The following GOLGA3 variants were observed in gnomAD, a reference collection of about 807,000 sequenced individuals.
GOLGA3 encodes the protein golgin A3.
In GOLGA3, 75 loss-of-function variants were observed where a neutral mutation model predicts 169.4. The observed-to-expected ratio is 0.44, with a 90% CI of 0.37 to 0.54. GOLGA3 has a LOEUF of 0.54. Ranked by LOEUF, GOLGA3 falls within the 20% of genes least tolerant of loss-of-function variation. The pLI, the probability that GOLGA3 is intolerant of heterozygous loss-of-function variation, is 0.00. For synonymous variants in GOLGA3, 824 were observed against 822.4 expected (o/e 1.00, Z -0.03); for missense variants, 1,899 against 1,930.0 (o/e 0.98, Z 0.30).
At chr12:132,821,067 T>C (rs1193576919) in intron 2 of GOLGA3, among the ~76,000 whole-genome samples, 2 of 118,694 alleles carry the variant, frequency 1.7e-5, no homozygotes, top group African/African-American at 6.8e-5. Flanking sequence ...GCCACTGCAC[T>C]CCAGCCTGGG....
Position 132,775,160 on chromosome 12 carries a change from C to G in GOLGA3, c.4124G>C (p.Arg1375Pro). The change falls in exon 22 of 24, where the codon CGC becomes CCC. Residue 1375 changes from arginine to proline, a missense_variant. Coordinates refer to ENST00000450791, the MANE Select transcript of GOLGA3 (RefSeq NM_001389683.1). ...QQNQQLKLDLRRGAAKTRKEP... is the reference protein window; with the variant it reads ...QQNQQLKLDLPRGAAKTRKEP... Reference sequence around the variant, plus strand: ...GAGTACCGTCTTGGCCGCGCCGCGGCGTAGGTCCAGCTTGAGCTGCTGGTT... The same window carrying G: ...GAGTACCGTCTTGGCCGCGCCGCGGGGTAGGTCCAGCTTGAGCTGCTGGTT... 1 of 1,613,794 alleles carries G rather than the reference C, an allele frequency of 6.2e-7. No homozygotes were observed. Among genetic ancestry groups the G allele is most frequent in the East Asian group, 2.2e-5 (1 of 44,892 alleles).
At chr12:132,814,716 C>T (rs917283892) in intron 3 of GOLGA3, among the ~76,000 whole-genome samples, 1 of 152,174 alleles carries the variant, frequency 6.6e-6, no homozygotes, top group Admixed American at 6.5e-5. Flanking sequence ...GGGCTGGGGG[C>T]GGGTTACCTC....
In GOLGA3 at chr12:132,786,371, C is replaced by T. The variant is rs1281253823; in HGVS notation, c.3091G>A (p.Gly1031Ser). 1 of 1,608,436 alleles carries T rather than the reference C, an allele frequency of 6.2e-7. No individual in the cohort carries two copies. The highest frequency in any genetic ancestry group is 8.5e-7 in the Non-Finnish European group (1 of 1,176,826). ...GCCAGGCTGCTGTCACTGCTGCCACCCTGGGCTCGGAGCTGGCCCAGCTCC... is the reference window on the plus strand; with the variant it reads ...GCCAGGCTGCTGTCACTGCTGCCACTCTGGGCTCGGAGCTGGCCCAGCTCC... ...DAELGQLRAQ[G>S]GSSDSSLALH... Residue 1031 changes from glycine to serine, a missense_variant, in exon 15 of 24, where the codon GGT becomes AGT. Transcript: ENST00000450791.
intron 1 of GOLGA3, 105 bp downstream of exon 1, chr12:132,828,698 A>AAGCCCCGCCGCCCCACGCCC (rs1205692446): frequency 3.2e-4 from 2 of 6,190 alleles, no homozygotes; most frequent in Non-Finnish European, 6.8e-4. Flanking sequence ...GGACGCGCCC[A>AAGCCCCGCCGCCCCACGCCC]GGCCCCGCCG....
chr12:132,780,685 C>T (rs2045550339), intron 18 of GOLGA3, 113 bp downstream of exon 18: 4 of 732,256 alleles, frequency 5.5e-6, no homozygotes, highest in East Asian at 4.9e-5. Flanking sequence ...CTGCAACACA[C>T]CTTTGCTCTG....
intron 2 of GOLGA3, among the ~76,000 whole-genome samples, chr12:132,820,333 T>C (rs551405100): frequency 9.3e-4 from 142 of 152,294 alleles, no homozygotes; most frequent in Non-Finnish European, 1.7e-3. Context: ...AGCAACACCC[T>C]GACTCTAAAA....
intron 1 of GOLGA3, chr12:132,826,241 A>C (rs1950410758): frequency 8.4e-5 from 25 of 296,468 alleles, no homozygotes; most frequent in South Asian, 4.4e-4. Flanking sequence ...CTCATTCTCC[A>C]AAAAAAAAAA....
Position 132,796,014 on chromosome 12 carries a change from G to A in GOLGA3, c.2307C>T (p.Cys769=), listed in dbSNP as rs1305457726. ...AGATGATCTTCTCGTTCTGCAGGAGGCAGATCGTGTCCTCCCTGGAGGCGG... is the reference window on the plus strand; with the variant it reads ...AGATGATCTTCTCGTTCTGCAGGAGACAGATCGTGTCCTCCCTGGAGGCGG... ...GEAASREDTI[C]LLQNEKIILE... Residue 769 remains cysteine (C), a synonymous_variant, in exon 11 of 24, where the codon TGC becomes TGT. Transcript: ENST00000450791. The A allele has an allele frequency of 6.2e-7, 1 of 1,612,988 alleles. No individual in the cohort carries two copies. Among genetic ancestry groups the A allele is most frequent in the Non-Finnish European group, 8.5e-7 (1 of 1,180,034 alleles).
At position 132,804,935 on chromosome 12, in the gene GOLGA3, GGCT is replaced by G. The variant is rs1949315104; in HGVS notation, c.1375_1377del (p.Ser459del). The G allele has an allele frequency of 6.2e-7, 1 of 1,613,444 alleles. No individual in the cohort carries two copies. Among genetic ancestry groups the G allele is most frequent in the Admixed American group, 1.7e-5 (1 of 60,004 alleles). On this transcript the variant is annotated inframe_deletion, in exon 7 of 24. Transcript: ENST00000450791. This position sits in a 1 kb window ranked among gnomAD's most constrained non-coding sequence, Gnocchi z 4.1. Reference sequence around the variant, plus strand: ...GAGCTCAGCGAATCCTGCCGCTGCTGGCTGCTGTGGCTGCACTCCACCTGCGCC... The same window carrying G: ...GAGCTCAGCGAATCCTGCCGCTGCTGGCTGTGGCTGCACTCCACCTGCGCC...
intron 13 of GOLGA3, among the ~76,000 whole-genome samples, chr12:132,787,721 G>A (rs1282676458): frequency 4.8e-5 from 2 of 41,726 alleles, no homozygotes; most frequent in African/African-American, 2.2e-4. Flanking sequence ...ACCCCTCCCC[G>A]GAGACCCCGG....
In GOLGA3 at chr12:132,772,480, C is replaced by T. The variant is rs1490880590; in HGVS notation, c.*625G>A. ...AATCGCATGAACCTGGGAGGCGGAG[C>T]TTGCAGTGAGCGGAGAGTGTGCCAC... On this transcript the variant is annotated 3_prime_UTR_variant, in exon 24 of 24. Transcript: ENST00000450791. 5.9e-5 allele frequency: 8 copies of T among 135,272 alleles called. No homozygotes were observed. Among genetic ancestry groups the T allele is most frequent in the African/African-American group, 2.2e-4 (8 of 36,088 alleles). The allele number at this position is 135,272 out of a possible 1,614,324, so 8.4% of individuals were successfully genotyped here.
chr12:132,819,812 GA>G (rs1950136554), intron 2 of GOLGA3, among the ~76,000 whole-genome samples: 1 of 152,232 alleles, frequency 6.6e-6, no homozygotes. Context: ...GGCCGAGGTG[GA>G]AGGATAACTC....
intron 3 of GOLGA3, among the ~76,000 whole-genome samples, chr12:132,814,550 T>C (rs1165996558): frequency 4.6e-5 from 7 of 152,210 alleles, no homozygotes; most frequent in Non-Finnish European, 8.8e-5. Context: ...TGCATTTCTT[T>C]GCTCAGTTAC....
In GOLGA3 at chr12:132,804,734, G is replaced by T. The variant is rs751100843; in HGVS notation, c.1579C>A (p.Leu527Ile). 1 of 1,613,428 alleles carries T rather than the reference G, an allele frequency of 6.2e-7. No homozygotes were observed. Among genetic ancestry groups the T allele is most frequent in the East Asian group, 2.2e-5 (1 of 44,882 alleles). Residue 527 changes from leucine (L) to isoleucine (I), a missense_variant, in exon 7 of 24, where the codon CTC (leucine) becomes ATC (isoleucine). By Grantham distance (5) the Leu-to-Ile change is conservative. Coordinates refer to ENST00000450791, the MANE Select transcript of GOLGA3 (RefSeq NM_001389683.1). The surrounding 1 kb of genome is among the most constrained non-coding windows in gnomAD (Gnocchi z 4.1). ...GCCTCACCTGTGTTGTCCTTGCTGA[G>T]CATGCTCCTCTGCATGTCCTCTACC... ...AKVEDMQRSMLSKDNTVHDLR... is the reference protein window; with the variant it reads ...AKVEDMQRSMISKDNTVHDLR...
At position 132,804,415 on chromosome 12, in the gene GOLGA3, T is replaced by C. The variant is rs1204686980; in HGVS notation, c.1597+301A>G. 6.6e-6 allele frequency among the ~76,000 whole-genome samples: 1 copy of C among 152,200 alleles called. No individual in the cohort carries two copies. Among genetic ancestry groups the C allele is most frequent in the Non-Finnish European group, 1.5e-5 (1 of 68,036 alleles). On this transcript the variant is annotated intron_variant, in intron 7 of 23. Coordinates refer to ENST00000450791, the MANE Select transcript of GOLGA3 (RefSeq NM_001389683.1). This position sits in a 1 kb window ranked among gnomAD's most constrained non-coding sequence, Gnocchi z 4.1. ...GTTCAACTAAAACTTGTATTTCCTT[T>C]AGAAAAGCAGCCTCCTTATGTGTAA...
rs181642584 is a variant in GOLGA3, at chr12:132,784,285, G to A, written c.3146C>T (p.Ala1049Val). The A allele has an allele frequency of 8.7e-6, 14 of 1,608,858 alleles. No homozygotes were observed. The South Asian group carries it at 8.8e-5, about 10-fold the overall frequency. Reference protein sequence around the residue: ...ALHERIQALEAELQAVSHSKT... With the variant: ...ALHERIQALEVELQAVSHSKT... ...GCTATGACTGACAGCCTGCAGCTCC[G>A]CCTCCAGGGCCTGGATCCTTTCCTA... The change falls in exon 16 of 24, where the codon GCG (alanine) becomes GTG (valine). Residue 1049 changes from alanine (A) to valine (V), a missense_variant. Ala to Val is a moderately conservative substitution (Grantham distance 64). Transcript: ENST00000450791.
chr12:132,826,607 C>T (rs566759068), intron 1 of GOLGA3, among the ~76,000 whole-genome samples: 3 of 152,282 alleles, frequency 2.0e-5, no homozygotes, highest in Admixed American at 2.0e-4. Context: ...GACCCCATGA[C>T]GGTGACTGTA....
intron 6 of GOLGA3, 62 bp downstream of exon 6, chr12:132,807,115 G>A: frequency 1.0e-6 from 1 of 968,102 alleles, no homozygotes; most frequent in Non-Finnish European, 1.6e-6. Context: ...GTACCCAACA[G>A]AGGAGCCACA....
chr12:132,795,185 C>A (rs1421798103), intron 11 of GOLGA3, among the ~76,000 whole-genome samples: 135 of 127,678 alleles, frequency 1.1e-3, no homozygotes, highest in Admixed American at 1.5e-3. Flanking sequence ...GACTCCATCT[C>A]AAAAAAAAAA....
Sources: allele counts gnomAD v4.1 joint callset (sites outside exome capture counted in the v4.1 genomes callset), GRCh38; gene constraint gnomAD v4.1.1; non-coding constraint Gnocchi (gnomAD v3.1); transcripts MANE v1.5; gene names NCBI Gene and HGNC (gene_info 2026-07-23, HGNC 2026-07-21).